Variants in NIM1K observed in about 807,000 individuals in gnomAD.
NIM1K encodes NIM1 serine/threonine protein kinase.
A neutral mutation model predicts 37.1 loss-of-function variants in NIM1K; 35 were observed. That is an observed-to-expected ratio of 0.94 (90% confidence interval 0.72 to 1.25). NIM1K has a LOEUF of 1.25. Ranked by LOEUF, NIM1K falls within the 50% of genes most tolerant of loss-of-function variation. NIM1K has a pLI of 0.00. For synonymous variants in NIM1K, 234 were observed against 206.6 expected, an observed-to-expected ratio of 1.13 and a Z score of -1.14; for missense variants, 564 against 548.0, an observed-to-expected ratio of 1.03 and a Z score of -0.29.
At chr5:43,214,148 C>G (rs951198608) in intron 1 of NIM1K, among the ~76,000 whole-genome samples, 2 of 152,138 alleles carry the variant, frequency 1.3e-5, no homozygotes, top group Non-Finnish European at 2.9e-5. Context: ...CCATCCCAGG[C>G]ATCTGAGCCA....
intron 2 of NIM1K, among the ~76,000 whole-genome samples, chr5:43,272,316 A>C (rs1024274878): frequency 3.3e-5 from 5 of 151,974 alleles, no homozygotes; most frequent in Non-Finnish European, 4.4e-5. Context: ...AGTCTTCCCT[A>C]ACCCCCAGAC....
intron 1 of NIM1K, chr5:43,194,873 C>T (rs1434175703): frequency 6.6e-6 from 1 of 152,158 alleles, no homozygotes; most frequent in East Asian, 1.9e-4. Context: ...GCTGGGACTA[C>T]AGGTGCATGA....
intron 2 of NIM1K, among the ~76,000 whole-genome samples, chr5:43,275,528 C>T (rs1267473354): frequency 3.3e-5 from 5 of 152,218 alleles, no homozygotes; most frequent in African/African-American, 1.2e-4. Flanking sequence ...CTCCCGCCAG[C>T]AGCACATTGC....
intron 1 of NIM1K, among the ~76,000 whole-genome samples, chr5:43,203,473 C>G (rs1237124059): frequency 6.6e-6 from 1 of 152,112 alleles, no homozygotes; most frequent in African/African-American, 2.4e-5. Context: ...GTTTTTGTAC[C>G]TCACTTCCAT....
chr5:43,270,812 C>T (rs114293024), intron 2 of NIM1K, among the ~76,000 whole-genome samples: 125 of 152,168 alleles, frequency 8.2e-4, no homozygotes, highest in African/African-American at 2.9e-3. Flanking sequence ...AGGGAGTGCC[C>T]GAAGGCATGA....
intron 1 of NIM1K, among the ~76,000 whole-genome samples, chr5:43,208,596 T>A (rs4392632): frequency 1.3e-5 from 2 of 151,502 alleles, no homozygotes; most frequent in African/African-American, 4.9e-5. Flanking sequence ...GGCAGGACTC[T>A]GTCTCAAAAA....
At chr5:43,208,244 AAG>A (rs1752145939) in intron 1 of NIM1K, among the ~76,000 whole-genome samples, 4 of 152,236 alleles carry the variant, frequency 2.6e-5, no homozygotes, top group African/African-American at 9.6e-5. Context: ...TGGTGCTTTC[AAG>A]AGAGAGTTAA....
intron 2 of NIM1K, among the ~76,000 whole-genome samples, chr5:43,246,831 C>T (rs903745460): frequency 1.3e-5 from 2 of 152,138 alleles, no homozygotes; most frequent in Admixed American, 1.3e-4. Context: ...GTGGGCACTT[C>T]CCCAAGGTAC....
At chr5:43,236,314 TA>T (rs369714403) in intron 1 of NIM1K, among the ~76,000 whole-genome samples, 25 of 147,006 alleles carry the variant, frequency 1.7e-4, no homozygotes, top group South Asian at 4.3e-4. Flanking sequence ...ACATAAACAT[TA>T]AAAAAAAAAT....
chr5:43,245,537 A>G lies in NIM1K; in HGVS notation c.-239A>G. The G allele has an allele frequency of 4.7e-6, 2 of 428,730 alleles. No individual in the cohort carries two copies. The highest frequency in any genetic ancestry group is 8.3e-6 in the Non-Finnish European group (2 of 242,120). 26.6% of individuals were successfully genotyped at this position (428,730 alleles called of 1,614,324 possible). A position where few individuals can be genotyped will look rare whatever the true frequency, so the allele number is the denominator to read the frequency against. On this transcript the variant is annotated 5_prime_UTR_variant, in exon 2 of 4. Coordinates refer to ENST00000326035, the MANE Select transcript of NIM1K (RefSeq NM_153361.4). ...AGAGCCTGCAAGTTCAACGTGAGGG[A>G]AGGTGGGAAATGTCTTGAGTGAGGC...
At chr5:43,236,295 A>G (rs1752620631) in intron 1 of NIM1K, among the ~76,000 whole-genome samples, 1 of 151,424 alleles carries the variant, frequency 6.6e-6, no homozygotes, top group Admixed American at 6.6e-5. Context: ...TTTAAAAACC[A>G]CCAAAAAAAC....
At chr5:43,262,588 A>G (rs1579986352) in intron 2 of NIM1K, among the ~76,000 whole-genome samples, 1 of 152,126 alleles carries the variant, frequency 6.6e-6, no homozygotes, top group South Asian at 2.1e-4. Flanking sequence ...TCCTAATTGA[A>G]TAGCCTTTAT....
chr5:43,196,122 C>T (rs1390986206), intron 1 of NIM1K, among the ~76,000 whole-genome samples: 1 of 152,094 alleles, frequency 6.6e-6, no homozygotes, highest in Non-Finnish European at 1.5e-5. Flanking sequence ...CTTTTCGGGT[C>T]TCCTGAACTA....
intron 2 of NIM1K, among the ~76,000 whole-genome samples, chr5:43,257,362 C>CTTTT (rs36108441): frequency 1.7e-5 from 1 of 58,794 alleles, no homozygotes; most frequent in African/African-American, 6.7e-5. Context: ...TAAAGTGACT[C>CTTTT]TTTTTTTTTT....
At chr5:43,253,726 C>A (rs1219492517) in intron 2 of NIM1K, among the ~76,000 whole-genome samples, 2 of 150,804 alleles carry the variant, frequency 1.3e-5, no homozygotes, top group Non-Finnish European at 2.9e-5. Context: ...ATGGTGTGAT[C>A]TCTGTTCATT....
At chr5:43,216,297 C>T (rs893934254) in intron 1 of NIM1K, among the ~76,000 whole-genome samples, 2 of 151,402 alleles carry the variant, frequency 1.3e-5, no homozygotes, top group African/African-American at 4.9e-5. Context: ...AGTGAGCCCC[C>T]TATGAATTTT....
intron 1 of NIM1K, among the ~76,000 whole-genome samples, chr5:43,199,127 G>T (rs2112198391): frequency 6.8e-6 from 1 of 146,190 alleles, no homozygotes; most frequent in East Asian, 2.0e-4. Context: ...GGCAGAGGTT[G>T]CAGTGAGCTG....
intron 2 of NIM1K, among the ~76,000 whole-genome samples, chr5:43,246,751 G>A (rs554120849): frequency 1.3e-5 from 2 of 152,236 alleles, no homozygotes; most frequent in East Asian, 3.9e-4. Flanking sequence ...GACTAGCAGC[G>A]CCCAGCACTT....
At chr5:43,210,259 G>A (rs1752184591) in intron 1 of NIM1K, among the ~76,000 whole-genome samples, 1 of 152,172 alleles carries the variant, frequency 6.6e-6, no homozygotes. Context: ...TCAACCATTA[G>A]ATCGTTGTGG....
Sources: allele counts gnomAD v4.1 joint callset (sites outside exome capture counted in the v4.1 genomes callset), GRCh38; gene constraint gnomAD v4.1.1; transcripts MANE v1.5; gene names NCBI Gene and HGNC (gene_info 2026-07-23, HGNC 2026-07-21).